The following LDLRAD3 variants were observed in gnomAD, a reference collection of about 807,000 sequenced individuals.
LDLRAD3 encodes the protein low density lipoprotein receptor class A domain containing 3.
LDLRAD3 carries 20 observed loss-of-function variants against 29.4 expected under a neutral mutation model. That is an observed-to-expected ratio of 0.68 (90% CI 0.48 to 0.99). The LOEUF (loss-of-function observed/expected upper bound fraction) is 0.99, where lower values mean the gene tolerates loss of function less well. LDLRAD3 is among the 50% of genes least tolerant of loss of function. The pLI is 0.00. For missense variants in LDLRAD3, 420 were observed against 454.3 expected, an observed-to-expected ratio of 0.92 and a Z score of 0.69; for synonymous variants, 157 against 192.7, an observed-to-expected ratio of 0.81 and a Z score of 1.53.
intron 1 of LDLRAD3, among the ~76,000 whole-genome samples, chr11:35,998,095 C>A (rs1453604864): frequency 1.3e-5 from 2 of 152,176 alleles, no homozygotes; most frequent in Admixed American, 1.3e-4. Context: ...TAACATGGGA[C>A]TCCCCCAGGT....
At chr11:36,196,580 C>T (rs1018785531) in intron 4 of LDLRAD3, 1 of 152,202 alleles carries the variant, frequency 6.6e-6, no homozygotes, top group Admixed American at 6.5e-5. Context: ...AGTTTTATCT[C>T]CTGCTTTAAC....
At chr11:36,030,411 T>A (rs1852221161) in intron 1 of LDLRAD3, among the ~76,000 whole-genome samples, 1 of 151,314 alleles carries the variant, frequency 6.6e-6, no homozygotes, top group South Asian at 2.1e-4. Flanking sequence ...AGCCGCTCAC[T>A]CACTGGCCTG....
intron 4 of LDLRAD3, among the ~76,000 whole-genome samples, chr11:36,124,606 A>G (rs7111716): frequency 0.55 from 82,916 of 151,524 alleles, 22,925 homozygotes; most frequent in Middle Eastern, 0.58. Flanking sequence ...CAGACTACAT[A>G]CCCTGTATGT....
chr11:36,179,921 C>A (rs1854732315), intron 4 of LDLRAD3, among the ~76,000 whole-genome samples: 1 of 152,090 alleles, frequency 6.6e-6, no homozygotes, highest in African/African-American at 2.4e-5. Flanking sequence ...TTGCTTGAAC[C>A]CAGATCGAGG....
intron 2 of LDLRAD3, among the ~76,000 whole-genome samples, chr11:36,066,948 C>T (rs1162974624): frequency 1.1e-4 from 17 of 152,152 alleles, no homozygotes; most frequent in Admixed American, 9.2e-4. Context: ...CTGTCTGCCT[C>T]GCTCCCAGAC....
At chr11:36,197,379 G>A (rs904637963) in intron 4 of LDLRAD3, 1 of 152,120 alleles carries the variant, frequency 6.6e-6, no homozygotes, top group African/African-American at 2.4e-5. Flanking sequence ...GGGTAAAAGG[G>A]CAGTGTAGCA....
At position 36,227,237 on chromosome 11, in the gene LDLRAD3, C is replaced by T. The variant is rs775164207; in HGVS notation, c.607C>T (p.Leu203Phe). ...GCACCACCAGCGGAAGCGGAACAAC[C>T]TCATGACGCTGCCCGTGCACCGGCT... ...VLHHQRKRNNLMTLPVHRLQH... is the reference protein window; with the variant it reads ...VLHHQRKRNNFMTLPVHRLQH... Residue 203 changes from leucine to phenylalanine, a missense_variant, in exon 5 of 6, where the codon CTC becomes TTC. Around this residue, in one of 3 missense-constraint regions of LDLRAD3, gnomAD observed 56 missense variants for 92.2 expected, o/e 0.61. Coordinates refer to ENST00000315571, the MANE Select transcript of LDLRAD3 (RefSeq NM_174902.4). The T allele has an allele frequency of 8.7e-6, 14 of 1,614,236 alleles. No homozygotes were observed. In the South Asian group the frequency reaches 1.5e-4, roughly 18 times the overall value.
intron 1 of LDLRAD3, among the ~76,000 whole-genome samples, chr11:36,027,648 T>C (rs1371019152): frequency 6.6e-6 from 1 of 152,272 alleles, no homozygotes; most frequent in African/African-American, 2.4e-5. Context: ...TTTCCTTATT[T>C]GCCCTGCCTG....
chr11:36,021,220 G>A (rs573624280), intron 1 of LDLRAD3, among the ~76,000 whole-genome samples: 25 of 152,294 alleles, frequency 1.6e-4, no homozygotes, highest in African/African-American at 6.0e-4. Flanking sequence ...AATTGGCGGT[G>A]TTGGTTTGGA....
intron 2 of LDLRAD3, among the ~76,000 whole-genome samples, chr11:36,062,013 C>T (rs947244595): frequency 1.4e-4 from 21 of 151,706 alleles, no homozygotes; most frequent in African/African-American, 5.1e-4. Context: ...GTAATAAAAA[C>T]TCTTAGCCTT....
chr11:36,090,328 T>C (rs1473747274), intron 3 of LDLRAD3, among the ~76,000 whole-genome samples: 1 of 152,108 alleles, frequency 6.6e-6, no homozygotes, highest in Non-Finnish European at 1.5e-5. Context: ...GGCCCTTTCA[T>C]AGCAGTAGGA....
At chr11:35,948,798 G>A (rs2133122767) in intron 1 of LDLRAD3, among the ~76,000 whole-genome samples, 1 of 152,192 alleles carries the variant, frequency 6.6e-6, no homozygotes, top group South Asian at 2.1e-4. Context: ...CGACACCTTG[G>A]CCTGGATAGT....
At chr11:36,001,614 C>T (rs145202311) in intron 1 of LDLRAD3, among the ~76,000 whole-genome samples, 102 of 152,008 alleles carry the variant, frequency 6.7e-4, no homozygotes, top group African/African-American at 2.3e-3. Flanking sequence ...CCCCTACAAT[C>T]GTAAAAAATA....
chr11:35,990,583 AT>A (rs35610319), intron 1 of LDLRAD3, among the ~76,000 whole-genome samples: 71,820 of 147,980 alleles, frequency 0.49, 17,596 homozygotes, highest in East Asian at 0.72. Flanking sequence ...TAATTTTTGT[AT>A]TTTTTTTTTT....
chr11:36,012,933 T>C (rs1004434699), intron 1 of LDLRAD3, among the ~76,000 whole-genome samples: 2 of 152,154 alleles, frequency 1.3e-5, no homozygotes, highest in East Asian at 3.8e-4. Flanking sequence ...GGTTGGAAAT[T>C]TATGCAGTTT....
At chr11:36,101,844 A>G in intron 4 of LDLRAD3, 1 of 306,984 alleles carries the variant, frequency 3.3e-6, no homozygotes, top group South Asian at 2.5e-5. Flanking sequence ...TGACTAGACA[A>G]AATATTGCCC....
At chr11:36,059,359 A>G (rs574120056) in intron 2 of LDLRAD3, among the ~76,000 whole-genome samples, 5 of 2,524 alleles carry the variant, frequency 2.0e-3, no homozygotes, top group Non-Finnish European at 0.17. Flanking sequence ...CCTGTCTCAG[A>G]AAAAAAAAAA....
intron 3 of LDLRAD3, among the ~76,000 whole-genome samples, chr11:36,086,423 C>T (rs961533588): frequency 3.9e-5 from 6 of 152,130 alleles, no homozygotes; most frequent in African/African-American, 7.2e-5. Context: ...AAATGACCTG[C>T]GCAGGTCAGG....
chr11:36,144,046 A>G (rs1854130287), intron 4 of LDLRAD3, among the ~76,000 whole-genome samples: 2 of 150,626 alleles, frequency 1.3e-5, no homozygotes, highest in Admixed American at 1.3e-4. Flanking sequence ...CTCCTGCCTC[A>G]GCCTGCCAAG....
Sources: gnomAD v4.1 joint callset for allele counts (sites outside exome capture counted in the v4.1 genomes callset) on GRCh38, gnomAD v4.1.1 for gene constraint, gnomAD v4.1.1 regional missense constraint, MANE v1.5 for transcripts, NCBI Gene and HGNC (gene_info 2026-07-23, HGNC 2026-07-21) for gene names.